The following SNX3 variants were observed in gnomAD, a reference collection of about 807,000 sequenced individuals.
SNX3 encodes sorting nexin-3.
SNX3 carries 5 observed loss-of-function variants against 17.7 expected under a neutral mutation model. The observed-to-expected ratio is 0.28, with a 90% CI of 0.15 to 0.59. The LOEUF is 0.59. Among genes scored for constraint, SNX3 ranks in the 20% least tolerant of loss-of-function variants. The pLI, the probability that SNX3 is intolerant of heterozygous loss-of-function variation, is 0.88. For missense variants in SNX3, 132 were observed against 206.8 expected (o/e 0.64, Z 2.22); for synonymous variants, 91 against 76.5 (o/e 1.19, Z -0.99).
At chr6:108,233,847 A>G (rs1230467207) in intron 1 of SNX3, among the ~76,000 whole-genome samples, 1 of 152,208 alleles carries the variant, frequency 6.6e-6, no homozygotes, top group African/African-American at 2.4e-5. Context: ...ATGGGCGATA[A>G]TATTTTACCT....
intron 1 of SNX3, among the ~76,000 whole-genome samples, chr6:108,242,865 C>T (rs564784467): frequency 1.1e-4 from 17 of 152,280 alleles, no homozygotes; most frequent in African/African-American, 4.1e-4. Context: ...CTACTCTAAA[C>T]TTACAGCTCC....
At chr6:108,252,901 G>A (rs1320743851) in intron 1 of SNX3, among the ~76,000 whole-genome samples, 2 of 152,054 alleles carry the variant, frequency 1.3e-5, no homozygotes, top group Non-Finnish European at 2.9e-5. Context: ...GCCTCCCAAA[G>A]CGCTGGGATT....
intron 1 of SNX3, among the ~76,000 whole-genome samples, 174 bp downstream of exon 1, chr6:108,260,586 C>G (rs886233344): frequency 6.6e-6 from 1 of 152,162 alleles, no homozygotes; most frequent in Non-Finnish European, 1.5e-5. Flanking sequence ...TCTGCAGCCC[C>G]CCACACCAGC....
At chr6:108,257,888 C>A (rs1451283476) in intron 1 of SNX3, among the ~76,000 whole-genome samples, 2 of 151,450 alleles carry the variant, frequency 1.3e-5, no homozygotes, top group Admixed American at 1.3e-4. Context: ...CGCTTGAACT[C>A]GGAAGGCAGA....
Position 108,211,422 on chromosome 6 carries a change from A to G in SNX3, c.*727T>C, listed in dbSNP as rs1774402075. On this transcript the variant is annotated 3_prime_UTR_variant, in exon 4 of 4. Transcript: ENST00000230085. ...TAAAGGGAATGGAGTTACAGGAATG[A>G]GAAGTATATAATTAGTAAATAATCC... 1.3e-5 allele frequency: 2 copies of G among 152,278 alleles called. No homozygotes were observed. The highest frequency in any genetic ancestry group is 6.5e-5 in the Admixed American group (1 of 15,280). The allele number at this position is 152,278 out of a possible 1,614,324, so 9.4% of individuals were successfully genotyped here. A position where few individuals can be genotyped will look rare whatever the true frequency, so the allele number is the denominator to read the frequency against.
intron 1 of SNX3, among the ~76,000 whole-genome samples, chr6:108,234,726 A>T (rs1003963440): frequency 6.6e-6 from 1 of 150,958 alleles, no homozygotes; most frequent in African/African-American, 2.5e-5. Flanking sequence ...TAAATATATT[A>T]TCAGTTTCTC....
At chr6:108,251,789 G>A (rs1775866718) in intron 1 of SNX3, among the ~76,000 whole-genome samples, 1 of 152,148 alleles carries the variant, frequency 6.6e-6, no homozygotes, top group Admixed American at 6.5e-5. Flanking sequence ...AAGAAGTAGT[G>A]GCCAGGCGCG....
At chr6:108,243,039 T>C (rs1468345284) in intron 1 of SNX3, among the ~76,000 whole-genome samples, 1 of 152,202 alleles carries the variant, frequency 6.6e-6, no homozygotes, top group Admixed American at 6.5e-5. Context: ...CAGAAACTTG[T>C]GAGATGATAT....
At chr6:108,219,071 G>A (rs1184432302) in intron 2 of SNX3, among the ~76,000 whole-genome samples, 1 of 152,214 alleles carries the variant, frequency 6.6e-6, no homozygotes, top group Non-Finnish European at 1.5e-5. Context: ...AACAAAAGCG[G>A]TCGGGCGGGG....
rs1417765408 is a variant in SNX3, at chr6:108,214,647, T to G, written c.259-25A>C. On this transcript the variant is annotated intron_variant, in intron 2 of 3. Coordinates refer to ENST00000230085, the MANE Select transcript of SNX3 (RefSeq NM_003795.6). ...CCTAAAATGTGAAGACAGAAACTCC[T>G]TGATCATGATGACTGGGTTGTGAAA... The G allele has an allele frequency of 1.9e-6, 3 of 1,604,202 alleles. No homozygotes were observed. In the South Asian group the frequency reaches 3.4e-5, roughly 18 times the overall value.
chr6:108,223,137 G>A (rs1303262602), intron 1 of SNX3, 92 bp from the exon 2 acceptor site: 4 of 679,030 alleles, frequency 5.9e-6, no homozygotes, highest in Non-Finnish European at 7.6e-6. Flanking sequence ...AAGAAATCAT[G>A]ACTTTCTTTT....
intron 1 of SNX3, among the ~76,000 whole-genome samples, chr6:108,246,775 A>G (rs1283808799): frequency 2.0e-5 from 3 of 152,088 alleles, no homozygotes; most frequent in Non-Finnish European, 4.4e-5. Flanking sequence ...GGGCAAGATC[A>G]TAACTCAGTG....
chr6:108,247,512 T>C (rs1477025163), intron 1 of SNX3, among the ~76,000 whole-genome samples: 1 of 151,598 alleles, frequency 6.6e-6, no homozygotes, highest in African/African-American at 2.4e-5. Flanking sequence ...GGACTACTAG[T>C]CCATGCCACC....
intron 1 of SNX3, among the ~76,000 whole-genome samples, chr6:108,234,887 G>A (rs912348857): frequency 3.3e-5 from 5 of 152,158 alleles, no homozygotes; most frequent in African/African-American, 9.7e-5. Context: ...TGCAATGGAT[G>A]AAAACTAAAT....
chr6:108,221,786 C>T (rs1224486778), intron 2 of SNX3, among the ~76,000 whole-genome samples: 1 of 152,068 alleles, frequency 6.6e-6, no homozygotes, highest in African/African-American at 2.4e-5. Flanking sequence ...CTTAAGTGAT[C>T]CACCCACGTT....
intron 1 of SNX3, among the ~76,000 whole-genome samples, chr6:108,236,387 T>A (rs13216526): frequency 0.35 from 41,225 of 116,230 alleles, 7,374 homozygotes; most frequent in East Asian, 0.48. Context: ...TATTTTTTTT[T>A]TTTTTTTTTT....
At chr6:108,241,473 G>A (rs2114746867) in intron 1 of SNX3, among the ~76,000 whole-genome samples, 1 of 152,164 alleles carries the variant, frequency 6.6e-6, no homozygotes, top group East Asian at 1.9e-4. Flanking sequence ...CTGGCCAACA[G>A]AACAAGATCC....
At chr6:108,255,550 CT>C in intron 1 of SNX3, among the ~76,000 whole-genome samples, 1 of 152,156 alleles carries the variant, frequency 6.6e-6, no homozygotes, top group East Asian at 1.9e-4. Flanking sequence ...CAGGGTCTCA[CT>C]GCGTTGCCCA....
At chr6:108,235,074 A>G (rs189094146) in intron 1 of SNX3, among the ~76,000 whole-genome samples, 150 of 152,348 alleles carry the variant, frequency 9.8e-4, no homozygotes, top group Middle Eastern at 3.4e-3. Context: ...GGTAGCCTAC[A>G]ACAAACCATG....
Sources: allele counts gnomAD v4.1 joint callset (sites outside exome capture counted in the v4.1 genomes callset), GRCh38; gene constraint gnomAD v4.1.1; transcripts MANE v1.5; gene names NCBI Gene and HGNC (gene_info 2026-07-23, HGNC 2026-07-21).